Variants in GRIN2A observed in about 807,000 individuals in gnomAD.
The protein encoded by GRIN2A is glutamate receptor ionotropic, NMDA 2A.
Under a neutral mutation model 113.4 loss-of-function variants are expected in GRIN2A, and 22 were observed. The observed-to-expected ratio is 0.19, with a 90% confidence interval of 0.14 to 0.28. The LOEUF is 0.28. Ranked by LOEUF, GRIN2A falls within the 10% of genes least tolerant of loss-of-function variation. GRIN2A has a pLI of 1.00. For missense variants in GRIN2A, 1,502 were observed against 1,887.0 expected, an observed-to-expected ratio of 0.80 and a Z score of 3.78; for synonymous variants, 827 against 738.4, an observed-to-expected ratio of 1.12 and a Z score of -1.94.
At chr16:10,091,414 A>G (rs2048181050) in intron 2 of GRIN2A, among the ~76,000 whole-genome samples, 1 of 152,052 alleles carries the variant, frequency 6.6e-6, no homozygotes, top group Non-Finnish European at 1.5e-5. Flanking sequence ...CCTGGGCAAC[A>G]TGGAAACCCC....
chr16:9,775,730 G>A (rs140687185), intron 11 of GRIN2A, among the ~76,000 whole-genome samples: 2 of 152,344 alleles, frequency 1.3e-5, no homozygotes, highest in African/African-American at 4.8e-5. Context: ...GCCGTCAGAT[G>A]TACATCTGTA....
intron 2 of GRIN2A, among the ~76,000 whole-genome samples, chr16:10,040,341 C>G (rs1320784224): frequency 3.3e-5 from 5 of 151,568 alleles, no homozygotes; most frequent in African/African-American, 1.2e-4. Context: ...AACATGCACT[C>G]ACAACCCTGG....
intron 2 of GRIN2A, among the ~76,000 whole-genome samples, chr16:10,042,236 C>G (rs79289952): frequency 0.01 from 1,570 of 152,266 alleles, 32 homozygotes; most frequent in African/African-American, 0.036. Context: ...GTGTGCTTGG[C>G]AACTCTCTTC....
intron 2 of GRIN2A, among the ~76,000 whole-genome samples, chr16:10,020,531 G>C (rs895796795): frequency 2.0e-5 from 3 of 152,232 alleles, no homozygotes; most frequent in Non-Finnish European, 4.4e-5. Context: ...GGCTGCAGCT[G>C]TGTGTGCAAT....
chr16:10,126,353 A>AG (rs200800886), intron 2 of GRIN2A, among the ~76,000 whole-genome samples: 2,148 of 151,900 alleles, frequency 0.014, 28 homozygotes, highest in Admixed American at 0.047. Context: ...TTTTGTAGAG[A>AG]GGGGGGTCTC....
intron 4 of GRIN2A, among the ~76,000 whole-genome samples, chr16:9,877,683 C>T: frequency 7.9e-6 from 1 of 126,488 alleles, no homozygotes; most frequent in East Asian, 2.8e-4. Context: ...CTTCCCCTCT[C>T]TCTTCCCCCT....
At chr16:9,818,131 A>T (rs889609954) in intron 10 of GRIN2A, among the ~76,000 whole-genome samples, 4 of 151,848 alleles carry the variant, frequency 2.6e-5, no homozygotes, top group African/African-American at 9.7e-5. Flanking sequence ...GAAACAGGAG[A>T]TGTGAAAAGG....
chr16:9,990,567 A>G (rs1015103637), intron 2 of GRIN2A, among the ~76,000 whole-genome samples: 1,426 of 83,206 alleles, frequency 0.017, 14 homozygotes, highest in East Asian at 0.057. Flanking sequence ...GCGCGCGCAC[A>G]CACACACACA....
chr16:9,773,700 A>G (rs780790707), intron 11 of GRIN2A, among the ~76,000 whole-genome samples: 27 of 152,088 alleles, frequency 1.8e-4, no homozygotes, highest in Non-Finnish European at 3.7e-4. Flanking sequence ...GCTCATGCAC[A>G]TTTGCAGAAC....
At chr16:10,148,353 T>A (rs900272013) in intron 2 of GRIN2A, among the ~76,000 whole-genome samples, 6 of 152,212 alleles carry the variant, frequency 3.9e-5, no homozygotes, top group Non-Finnish European at 8.8e-5. Context: ...ACCTAAGTTA[T>A]CAGTTAATCA....
chr16:10,149,399 A>C (rs1070475), intron 2 of GRIN2A, among the ~76,000 whole-genome samples: 92,885 of 152,092 alleles, frequency 0.61, 28,780 homozygotes, highest in East Asian at 0.92. Context: ...TAAGAAAGAA[A>C]TCTAGGACTT....
At chr16:10,033,529 C>G (rs1193241188) in intron 2 of GRIN2A, among the ~76,000 whole-genome samples, 1 of 152,206 alleles carries the variant, frequency 6.6e-6, no homozygotes, top group Non-Finnish European at 1.5e-5. Flanking sequence ...TTCTCCCCAT[C>G]AAGCTAAATG....
At chr16:9,809,228 T>G (rs1405114157) in intron 10 of GRIN2A, among the ~76,000 whole-genome samples, 3 of 152,172 alleles carry the variant, frequency 2.0e-5, no homozygotes, top group African/African-American at 7.2e-5. Context: ...GAGATCAGCC[T>G]GGGCAACATG....
chr16:10,166,735 C>T (rs1431231274), intron 2 of GRIN2A, among the ~76,000 whole-genome samples: 1 of 152,172 alleles, frequency 6.6e-6, no homozygotes, highest in Admixed American at 6.5e-5. Context: ...GTGAACAACA[C>T]ACTGCATGCG....
intron 2 of GRIN2A, chr16:10,111,373 T>C (rs941552476): frequency 2.2e-6 from 1 of 457,762 alleles, no homozygotes; most frequent in East Asian, 4.7e-5. Context: ...CGCGGGGCCT[T>C]GCGGCAGCAT....
chr16:10,170,710 C>T (rs576293834), intron 2 of GRIN2A, among the ~76,000 whole-genome samples: 1 of 152,126 alleles, frequency 6.6e-6, no homozygotes, highest in African/African-American at 2.4e-5. Flanking sequence ...ACCCCCGTCT[C>T]TACCAAAAAT....
Position 10,180,232 on chromosome 16 carries a change from C to G in GRIN2A, c.180G>C (p.Ala60=). The change falls in exon 2 of 13, where the codon GCG becomes GCC. Residue 60 remains alanine, a synonymous_variant. Transcript: ENST00000330684. This position sits in a 1 kb window ranked among gnomAD's most constrained non-coding sequence, Gnocchi z 7.0. The part of the protein sequence containing the change: ...ELRTLWGPEQ[A]AGLPLDVNVV... ...CGTTCACGTCCAGGGGCAGCCCCGCCGCCTGCTCGGGGCCCCACAGTGTTC... is the reference window on the plus strand; with the variant it reads ...CGTTCACGTCCAGGGGCAGCCCCGCGGCCTGCTCGGGGCCCCACAGTGTTC... 6.2e-7 allele frequency: 1 copy of G among 1,614,074 alleles called. No homozygotes were observed.
At chr16:9,904,318 CT>C (rs1306268168) in intron 3 of GRIN2A, among the ~76,000 whole-genome samples, 2 of 152,178 alleles carry the variant, frequency 1.3e-5, no homozygotes, top group East Asian at 3.9e-4. Flanking sequence ...CTAAAGTGTA[CT>C]CACATGGTGG....
intron 2 of GRIN2A, among the ~76,000 whole-genome samples, chr16:10,047,246 T>C (rs1418089258): frequency 2.0e-5 from 3 of 152,198 alleles, no homozygotes; most frequent in South Asian, 4.1e-4. Flanking sequence ...ACCACAACCA[T>C]TATTTGGTAG....
Sources: gnomAD v4.1 joint callset for allele counts (sites outside exome capture counted in the v4.1 genomes callset) on GRCh38, gnomAD v4.1.1 for gene constraint, Gnocchi (gnomAD v3.1) non-coding constraint, MANE v1.5 for transcripts, NCBI Gene and HGNC (gene_info 2026-07-23, HGNC 2026-07-21) for gene names.